MON1B: variants seen among roughly 807,000 people sequenced by gnomAD.
MON1B encodes MON1 vesicular trafficking associated B, also known as vacuolar fusion protein MON1 homolog B.
MON1B carries 26 observed loss-of-function variants against 45.1 expected under a neutral mutation model. The ratio of observed to expected loss-of-function variants is 0.58; its 90% CI spans 0.42 to 0.80. MON1B has a LOEUF of 0.80. Among genes scored for constraint, MON1B ranks in the 30% least tolerant of loss-of-function variants. MON1B has a pLI of 0.00. For synonymous variants in MON1B, 395 were observed against 320.2 expected (o/e 1.23, Z -2.49); for missense variants, 737 against 754.5 (o/e 0.98, Z 0.27).
In MON1B at chr16:77,199,446, T is replaced by C; in HGVS notation, c.*1138T>C. 1 of 1,551,522 alleles carries C rather than the reference T, an allele frequency of 6.4e-7. No homozygotes were observed. Among genetic ancestry groups the C allele is most frequent in the Non-Finnish European group, 8.7e-7 (1 of 1,146,988 alleles). Reference sequence around the variant, plus strand: ...CGAGGCTCGCGCGCAGGCCCCGCGTTGGAAAATGGCGGGGAAGCTGAAACC... The same window carrying C: ...CGAGGCTCGCGCGCAGGCCCCGCGTCGGAAAATGGCGGGGAAGCTGAAACC... On this transcript the variant is annotated 3_prime_UTR_variant, in exon 6 of 6. Coordinates refer to ENST00000248248, the MANE Select transcript of MON1B (RefSeq NM_014940.4).
Position 77,194,028 on chromosome 16 carries a change from CTG to C in MON1B, c.475+254_475+255del, listed in dbSNP as rs1332284009. On this transcript the variant is annotated intron_variant, in intron 3 of 5. Transcript: ENST00000248248. This position sits in a 1 kb window ranked among gnomAD's most constrained non-coding sequence, Gnocchi z 8.1. ...ACTTCTGTGTCACCTGAGAGGATAA[CTG>C]TGGGGGCTGTGTGGTTGAGCTGTGT... is the stretch of plus-strand genomic sequence containing the variant. 1 of 600,506 alleles carries C rather than the reference CTG, an allele frequency of 1.7e-6. No individual in the cohort carries two copies. The allele number at this position is 600,506 out of a possible 1,614,324, so 37.2% of individuals were successfully genotyped here.
In MON1B at chr16:77,193,617, G is replaced by A; in HGVS notation, c.315G>A (p.Trp105Ter). Residue 105 changes from tryptophan (W) to a stop codon, truncating the protein, a stop_gained, in exon 3 of 6, where the codon TGG becomes TGA. Transcript: ENST00000248248. LOFTEE classifies it high-confidence loss of function. This position sits in a 1 kb window ranked among gnomAD's most constrained non-coding sequence, Gnocchi z 5.0. ...GQGGDPSDEE[W>*]RSQRKHVFVL... is the part of the protein sequence containing the mutation. ...GCGGGGACCCCAGTGATGAGGAGTGGCGCAGCCAGCGGAAGCATGTGTTTG... is the reference window on the plus strand; with the variant it reads ...GCGGGGACCCCAGTGATGAGGAGTGACGCAGCCAGCGGAAGCATGTGTTTG... The A allele has an allele frequency of 6.2e-7, 1 of 1,614,112 alleles. No individual in the cohort carries two copies. Among genetic ancestry groups the A allele is most frequent in the Non-Finnish European group, 8.5e-7 (1 of 1,179,968 alleles).
In MON1B at chr16:77,200,738, A is replaced by T. The variant is rs1198082508; in HGVS notation, c.*2430A>T. 3 of 119,288 alleles carry T rather than the reference A, an allele frequency of 2.5e-5. No individual in the cohort carries two copies. Among genetic ancestry groups the T allele is most frequent in the Non-Finnish European group, 5.3e-5 (3 of 56,758 alleles). 7.4% of individuals were successfully genotyped at this position (119,288 alleles called of 1,614,324 possible). A position where few individuals can be genotyped will look rare whatever the true frequency, so the allele number is the denominator to read the frequency against. ...GCCACTGCACTCCAGCGCGGAAGACAGAGTGAGCAAAAAAAAAAAAAAAAA... is the reference window on the plus strand; with the variant it reads ...GCCACTGCACTCCAGCGCGGAAGACTGAGTGAGCAAAAAAAAAAAAAAAAA... On this transcript the variant is annotated 3_prime_UTR_variant, in exon 6 of 6. Coordinates refer to ENST00000248248, the MANE Select transcript of MON1B (RefSeq NM_014940.4).
rs1301422463 is a variant in MON1B, at chr16:77,199,361, C to A, written c.*1053C>A. On this transcript the variant is annotated 3_prime_UTR_variant, in exon 6 of 6. Transcript: ENST00000248248. ...ACCGCTGGCGTAACCGCGGGTTGCA[C>A]GCATGCGTGCTGAAAAGCCTTTCAC... The A allele has an allele frequency of 7.5e-6, 10 of 1,324,764 alleles. No individual in the cohort carries two copies. The Admixed American group carries it at 2.1e-4, about 28-fold the overall frequency. The allele number at this position is 1,324,764 out of a possible 1,614,324, so 82.1% of individuals were successfully genotyped here.
chr16:77,195,718 C>T (rs1039143949), intron 5 of MON1B, 36 bp downstream of exon 5: 2 of 1,608,910 alleles, frequency 1.2e-6, no homozygotes, highest in Non-Finnish European at 1.7e-6. Context: ...ATTAATTCCC[C>T]ACTTCAAGCC....
Position 77,201,329 on chromosome 16 carries a change from T to G in MON1B, c.*3021T>G, listed in dbSNP as rs1241809069. 5 of 152,156 alleles carry G rather than the reference T, an allele frequency of 3.3e-5. No homozygotes were observed. The highest frequency in any genetic ancestry group is 7.3e-5 in the Non-Finnish European group (5 of 68,032). The allele number at this position is 152,156 out of a possible 1,614,324, so 9.4% of individuals were successfully genotyped here. The stretch of plus-strand genomic sequence containing the variant: ...CTGCCACTGCAATTAAAAAAAAAAT[T>G]TTAGTATCAACCTTTCAAATTCCTC... On this transcript the variant is annotated 3_prime_UTR_variant, in exon 6 of 6. Coordinates refer to ENST00000248248, the MANE Select transcript of MON1B (RefSeq NM_014940.4).
chr16:77,191,286 C>T, intron 1 of MON1B, 28 bp downstream of exon 1: 1 of 1,543,428 alleles, frequency 6.5e-7, no homozygotes, highest in Non-Finnish European at 8.7e-7. Context: ...TTTCCTGAGG[C>T]CCAGTAGAGT....
chr16:77,194,970 G>A lies in MON1B; in HGVS notation c.1111G>A (p.Glu371Lys), dbSNP rs2054650758. The A allele has an allele frequency of 1.9e-6, 3 of 1,613,870 alleles. No homozygotes were observed. Among genetic ancestry groups the A allele is most frequent in the South Asian group, 1.1e-5 (1 of 91,086 alleles). ...HAMAACRRLV[E>K]DGMHALGAMR... is the part of the protein sequence containing the mutation. ...CATGGCCGCCTGCCGGCGCCTGGTT[G>A]AAGATGGGATGCATGCCCTTGGTGC... Residue 371 changes from glutamate (E) to lysine (K), a missense_variant, in exon 4 of 6, where the codon GAA (glutamate) becomes AAA (lysine). Glu to Lys is a moderately conservative substitution (Grantham distance 56). Transcript: ENST00000248248. This position sits in a 1 kb window ranked among gnomAD's most constrained non-coding sequence, Gnocchi z 8.1.
In MON1B at chr16:77,194,035, G is replaced by T; in HGVS notation, c.475+258G>T. The T allele has an allele frequency of 1.7e-6, 1 of 600,324 alleles. No individual in the cohort carries two copies. Among genetic ancestry groups the T allele is most frequent in the Non-Finnish European group, 3.0e-6 (1 of 338,314 alleles). The allele number at this position is 600,324 out of a possible 1,614,324, so 37.2% of individuals were successfully genotyped here. A position where few individuals can be genotyped will look rare whatever the true frequency, so the allele number is the denominator to read the frequency against. On this transcript the variant is annotated intron_variant, in intron 3 of 5. Coordinates refer to ENST00000248248, the MANE Select transcript of MON1B (RefSeq NM_014940.4). This position sits in a 1 kb window ranked among gnomAD's most constrained non-coding sequence, Gnocchi z 8.1. ...TGTCACCTGAGAGGATAACTGTGGG[G>T]GCTGTGTGGTTGAGCTGTGTCTTTC...
Position 77,198,399 on chromosome 16 carries a change from C to A in MON1B, c.*91C>A. On this transcript the variant is annotated 3_prime_UTR_variant, in exon 6 of 6. Transcript: ENST00000248248. ...CCTGGAAATGTGTGTGGGGGTGTGTCTGTGGCCAGTCATTGTCTCCCTAAG... is the reference window on the plus strand; with the variant it reads ...CCTGGAAATGTGTGTGGGGGTGTGTATGTGGCCAGTCATTGTCTCCCTAAG... 7.2e-7 allele frequency: 1 copy of A among 1,391,994 alleles called. No individual in the cohort carries two copies. The highest frequency in any genetic ancestry group is 1.0e-6 in the Non-Finnish European group (1 of 993,730). The allele number at this position is 1,391,994 out of a possible 1,614,324, so 86.2% of individuals were successfully genotyped here. A position where few individuals can be genotyped will look rare whatever the true frequency, so the allele number is the denominator to read the frequency against.
Position 77,200,005 on chromosome 16 carries a change from A to C in MON1B, c.*1697A>C, listed in dbSNP as rs1165701502. 2 of 133,680 alleles carry C rather than the reference A, an allele frequency of 1.5e-5. No individual in the cohort carries two copies. Among genetic ancestry groups the C allele is most frequent in the African/African-American group, 5.3e-5 (2 of 37,406 alleles). 8.3% of individuals were successfully genotyped at this position (133,680 alleles called of 1,614,324 possible). On this transcript the variant is annotated 3_prime_UTR_variant, in exon 6 of 6. Coordinates refer to ENST00000248248, the MANE Select transcript of MON1B (RefSeq NM_014940.4). ...GGAGGGTGGAGGGGTGTCGGCCTAG[A>C]CACTATTGGAAATTGTATTCCATCC...
At position 77,193,085 on chromosome 16, in the gene MON1B, A is replaced by T. The variant is rs565110994; in HGVS notation, c.149-366A>T. Among the ~76,000 whole-genome samples, 4 of 152,162 alleles carry T rather than the reference A, an allele frequency of 2.6e-5. No individual in the cohort carries two copies. The South Asian group carries it at 8.3e-4, about 31-fold the overall frequency. Reference sequence around the variant, plus strand: ...GAAAAAATAGCGGTCAGAGGAGTTAATGGGGGATCATTGAAGATGAATAAT... The same window carrying T: ...GAAAAAATAGCGGTCAGAGGAGTTATTGGGGGATCATTGAAGATGAATAAT... On this transcript the variant is annotated intron_variant, in intron 2 of 5. Coordinates refer to ENST00000248248, the MANE Select transcript of MON1B (RefSeq NM_014940.4). The surrounding 1 kb of genome is among the most constrained non-coding windows in gnomAD (Gnocchi z 5.0).
At position 77,193,849 on chromosome 16, in the gene MON1B, G is replaced by C. The variant is rs948586925; in HGVS notation, c.475+72G>C. ...ATGGCTGGCACGGGTAGGTCTGTCT[G>C]CCTCAGGCACTATCCAGCCAGCCAG... On this transcript the variant is annotated intron_variant, in intron 3 of 5. Coordinates refer to ENST00000248248, the MANE Select transcript of MON1B (RefSeq NM_014940.4). The surrounding 1 kb of genome is among the most constrained non-coding windows in gnomAD (Gnocchi z 5.0). 3 of 1,473,216 alleles carry C rather than the reference G, an allele frequency of 2.0e-6. No individual in the cohort carries two copies. Among genetic ancestry groups the C allele is most frequent in the African/African-American group, 2.8e-5 (2 of 72,330 alleles). 91.3% of individuals were successfully genotyped at this position (1,473,216 alleles called of 1,614,324 possible). A position where few individuals can be genotyped will look rare whatever the true frequency, so the allele number is the denominator to read the frequency against.
rs2054720099 is a variant in MON1B at position 77,200,256 on chromosome 16, GTATATATATATATATGTGTA to G, written c.*1964_*1983del. 2.4e-5 allele frequency: 2 copies of G among 83,616 alleles called. No homozygotes were observed. The highest frequency in any genetic ancestry group is 5.7e-5 in the Non-Finnish European group (2 of 35,392). The allele number at this position is 83,616 out of a possible 1,614,324, so 5.2% of individuals were successfully genotyped here. On this transcript the variant is annotated 3_prime_UTR_variant, in exon 6 of 6. Transcript: ENST00000248248. ...TGTATATATATATATATGTATATGT[GTATATATATATATATGTGTA>G]TATATATATATATATACACACACTA...
chr16:77,194,140 G>C lies in MON1B; in HGVS notation c.476-195G>C. The C allele has an allele frequency of 1.5e-6, 1 of 669,500 alleles. No homozygotes were observed. The highest frequency in any genetic ancestry group is 1.7e-5 in the South Asian group (1 of 58,118). 41.5% of individuals were successfully genotyped at this position (669,500 alleles called of 1,614,324 possible). A position where few individuals can be genotyped will look rare whatever the true frequency, so the allele number is the denominator to read the frequency against. ...GTGTATCTAACCTACTTGTTCCTTT[G>C]TCCATCCCATCATGTCTCTGCAAAT... On this transcript the variant is annotated intron_variant, in intron 3 of 5. Transcript: ENST00000248248. This position sits in a 1 kb window ranked among gnomAD's most constrained non-coding sequence, Gnocchi z 8.1.
At position 77,194,745 on chromosome 16, in the gene MON1B, G is replaced by A. The variant is rs1209784248; in HGVS notation, c.886G>A (p.Glu296Lys). Reference sequence around the variant, plus strand: ...AGCCCAGGAGCGAAATGTGCTGGCCGAGTGCCGGCTGGACCCAGCTGACCT... The same window carrying A: ...AGCCCAGGAGCGAAATGTGCTGGCCAAGTGCCGGCTGGACCCAGCTGACCT... Reference protein sequence around the residue: ...TAAQERNVLAECRLDPADLQL... With the variant: ...TAAQERNVLAKCRLDPADLQL... The change falls in exon 4 of 6, where the codon GAG becomes AAG. Residue 296 changes from glutamate to lysine, a missense_variant. Glu to Lys is a moderately conservative substitution (Grantham distance 56, BLOSUM62 1). Transcript: ENST00000248248. The surrounding 1 kb of genome is among the most constrained non-coding windows in gnomAD (Gnocchi z 8.1). 4.3e-6 allele frequency: 7 copies of A among 1,613,792 alleles called. No homozygotes were observed. The highest frequency in any genetic ancestry group is 5.9e-6 in the Non-Finnish European group (7 of 1,179,818).
chr16:77,194,429 G>A lies in MON1B; in HGVS notation c.570G>A (p.Leu190=). 1 of 1,614,010 alleles carries A rather than the reference G, an allele frequency of 6.2e-7. No homozygotes were observed. The highest frequency in any genetic ancestry group is 8.5e-7 in the Non-Finnish European group (1 of 1,180,034). ...CAGCAGCCCAGCTGCGGGGGGAGCT[G>A]CTAGCTGTGCACGCACAGATCGTGA... ...SQSAAQLRGE[L]LAVHAQIVST... The change falls in exon 4 of 6, where the codon CTG becomes CTA. Residue 190 remains leucine, a synonymous_variant. Coordinates refer to ENST00000248248, the MANE Select transcript of MON1B (RefSeq NM_014940.4). The surrounding 1 kb of genome is among the most constrained non-coding windows in gnomAD (Gnocchi z 8.1).
Position 77,201,920 on chromosome 16 carries a change from G to C in MON1B, c.*3612G>C, listed in dbSNP as rs2054747653. The C allele has an allele frequency of 6.6e-6, 1 of 152,168 alleles. No homozygotes were observed. The highest frequency in any genetic ancestry group is 1.5e-5 in the Non-Finnish European group (1 of 68,012). The allele number at this position is 152,168 out of a possible 1,614,324, so 9.4% of individuals were successfully genotyped here. ...GCCAGTTGGGATTGAAACAAAAATGGAGGGGGGTATAGCCCTGTGTATGTT... is the reference window on the plus strand; with the variant it reads ...GCCAGTTGGGATTGAAACAAAAATGCAGGGGGGTATAGCCCTGTGTATGTT... On this transcript the variant is annotated 3_prime_UTR_variant, in exon 6 of 6. Transcript: ENST00000248248.
Position 77,201,514 on chromosome 16 carries a change from A to T in MON1B, c.*3206A>T, listed in dbSNP as rs2054742417. The T allele has an allele frequency of 6.6e-6, 1 of 152,166 alleles. No homozygotes were observed. Among genetic ancestry groups the T allele is most frequent in the Non-Finnish European group, 1.5e-5 (1 of 68,026 alleles). The allele number at this position is 152,166 out of a possible 1,614,324, so 9.4% of individuals were successfully genotyped here. On this transcript the variant is annotated 3_prime_UTR_variant, in exon 6 of 6. Transcript: ENST00000248248. ...GGCCTTTTCCTGCCTCAGGGAAGAGAGCTGACTCAAAGTAAAGGCTTTGCT... is the reference window on the plus strand; with the variant it reads ...GGCCTTTTCCTGCCTCAGGGAAGAGTGCTGACTCAAAGTAAAGGCTTTGCT...
Sources: gnomAD v4.1 joint callset for allele counts (sites outside exome capture counted in the v4.1 genomes callset) on GRCh38, gnomAD v4.1.1 for gene constraint, Gnocchi (gnomAD v3.1) non-coding constraint, MANE v1.5 for transcripts, NCBI Gene and HGNC (gene_info 2026-07-23, HGNC 2026-07-21) for gene names.